DHX34: variants seen among roughly 807,000 people sequenced by gnomAD.
The protein encoded by DHX34 is probable ATP-dependent RNA helicase DHX34.
DHX34 carries 96 observed loss-of-function variants against 111.1 expected under a neutral mutation model. That is an observed-to-expected ratio of 0.86 (90% confidence interval 0.73 to 1.02). The LOEUF (loss-of-function observed/expected upper bound fraction) is 1.02, where lower values mean the gene tolerates loss of function less well. DHX34 is among the 50% of genes least tolerant of loss of function. The pLI is 0.00. For synonymous variants in DHX34, 688 were observed against 670.4 expected, an observed-to-expected ratio of 1.03 and a Z score of -0.41; for missense variants, 1,560 against 1,579.9, an observed-to-expected ratio of 0.99 and a Z score of 0.21.
chr19:47,373,043 CCA>C, intron 8 of DHX34, 120 bp downstream of exon 8: 1 of 1,314,416 alleles, frequency 7.6e-7, no homozygotes, highest in South Asian at 1.6e-5. Flanking sequence ...ACTGAGCCCC[CCA>C]CAGACTGGGC....
rs149712465 is a variant in DHX34 at position 47,382,032 on chromosome 19, G to T, written c.3351G>T (p.Arg1117Ser). 36 of 1,613,996 alleles carry T rather than the reference G, an allele frequency of 2.2e-5. No individual in the cohort carries two copies. In the African/African-American group the frequency reaches 4.3e-4, roughly 19 times the overall value. ...ETLQKTSVLQ[R>S]PYHCEACGKD... ...TCCAGAAGACATCTGTCCTGCAGAGGCCCTACCACTGCGAGGCCTGCGGGA... is the reference window on the plus strand; with the variant it reads ...TCCAGAAGACATCTGTCCTGCAGAGTCCCTACCACTGCGAGGCCTGCGGGA... The change falls in exon 17 of 17, where the codon AGG becomes AGT. Residue 1117 changes from arginine to serine, a missense_variant. By Grantham distance (110) the Arg-to-Ser change is moderately radical. Coordinates refer to ENST00000328771, the MANE Select transcript of DHX34 (RefSeq NM_014681.6).
chr19:47,360,155 C>T (rs1208608164), intron 5 of DHX34, 85 bp downstream of exon 5: 50 of 1,318,320 alleles, frequency 3.8e-5, no homozygotes, highest in Non-Finnish European at 5.0e-5. Flanking sequence ...GGCAGGGGCG[C>T]ACCAGCTTGG....
rs1438326045 is a variant in DHX34, at chr19:47,375,539, AGCAGCGCCG to A, written c.2140_2148del (p.Gln714_Arg716del). The A allele has an allele frequency of 6.4e-7, 1 of 1,558,494 alleles. No individual in the cohort carries two copies. The highest frequency in any genetic ancestry group is 8.6e-7 in the Non-Finnish European group (1 of 1,157,426). ...GTAGGGGACAGCTACAGTCGGTTGC[AGCAGCGCCG>A]GGAGCGCCGGGCCCTGCACCAGCTG... On this transcript the variant is annotated inframe_deletion, in exon 10 of 17. Transcript: ENST00000328771.
In DHX34 at chr19:47,357,874, C is replaced by A; in HGVS notation, c.1026C>A (p.Tyr342Ter). Residue 342 changes from tyrosine to a stop codon, truncating the protein, a stop_gained, in exon 4 of 17, where the codon TAC becomes TAA. Transcript: ENST00000328771. LOFTEE classifies it high-confidence loss of function. Reference protein sequence around the residue: ...PGRLFPITVVYQPQEAEPTTS... With the variant: ...PGRLFPITVV ...GGGCTGTCTCCTCTCAGGTTGTGTACCAGCCGCAGGAGGCGGAGCCGACCA... is the reference window on the plus strand; with the variant it reads ...GGGCTGTCTCCTCTCAGGTTGTGTAACAGCCGCAGGAGGCGGAGCCGACCA... The A allele has an allele frequency of 6.2e-7, 1 of 1,612,726 alleles. No homozygotes were observed. Among genetic ancestry groups the A allele is most frequent in the Non-Finnish European group, 8.5e-7 (1 of 1,179,244 alleles).
At chr19:47,364,827 G>T (rs1433749417) in intron 6 of DHX34, among the ~76,000 whole-genome samples, 1 of 152,124 alleles carries the variant, frequency 6.6e-6, no homozygotes, top group Non-Finnish European at 1.5e-5. Flanking sequence ...ATTGCCCCAG[G>T]TCACACAGCT....
chr19:47,376,235 C>A, intron 11 of DHX34, 138 bp downstream of exon 11: 4 of 1,431,438 alleles, frequency 2.8e-6, no homozygotes, highest in Non-Finnish European at 3.7e-6. Context: ...AGTGGGAGGA[C>A]AGACCCATCC....
intron 6 of DHX34, among the ~76,000 whole-genome samples, chr19:47,363,707 A>G (rs1194625174): frequency 1.3e-5 from 2 of 151,076 alleles, no homozygotes; most frequent in Non-Finnish European, 2.9e-5. Flanking sequence ...AAGCCCGGCT[A>G]TTTGGGAGGC....
chr19:47,363,787 C>T (rs1969704760), intron 6 of DHX34, among the ~76,000 whole-genome samples: 1 of 146,856 alleles, frequency 6.8e-6, no homozygotes. Context: ...CACTGCACTC[C>T]AGCCTGGGCG....
chr19:47,360,015 C>G lies in DHX34; in HGVS notation c.1320C>G (p.Thr440=), dbSNP rs145230229. The G allele has an allele frequency of 8.1e-6, 13 of 1,614,086 alleles. No individual in the cohort carries two copies. Among genetic ancestry groups the G allele is most frequent in the Non-Finnish European group, 1.0e-5 (12 of 1,180,010 alleles). Residue 440 remains threonine, a synonymous_variant, in exon 5 of 17, where the codon ACC becomes ACG. Coordinates refer to ENST00000328771, the MANE Select transcript of DHX34 (RefSeq NM_014681.6). Reference sequence around the variant, plus strand: ...GAGTCCGGAAATGCATCCTCTCCACCAACATTGCTGAGACCTCAGTCACCA... The same window carrying G: ...GAGTCCGGAAATGCATCCTCTCCACGAACATTGCTGAGACCTCAGTCACCA... The part of the protein sequence containing the change: ...PPGVRKCILS[T]NIAETSVTID...
intron 5 of DHX34, 41 bp downstream of exon 5, chr19:47,360,111 C>G (rs746323898): frequency 1.9e-6 from 3 of 1,600,180 alleles, no homozygotes; most frequent in Non-Finnish European, 2.6e-6. Flanking sequence ...CCCCCAAGGA[C>G]TTAGGAGCAT....
In DHX34 at chr19:47,381,325, G is replaced by A. The variant is rs758021238; in HGVS notation, c.3298+1G>A. ...CAGGCCCCACAGGATGGGCCCCCAG[G>A]TAAGCACAGGACTGTGGGGACCCGG... On this transcript the variant is annotated splice_donor_variant, in intron 16 of 16. Transcript: ENST00000328771. LOFTEE classifies it high-confidence loss of function. 10 of 1,612,878 alleles carry A rather than the reference G, an allele frequency of 6.2e-6. No homozygotes were observed. In the African/African-American group the frequency reaches 1.1e-4, roughly 17 times the overall value.
rs781091595 is a variant in DHX34 at position 47,353,199 on chromosome 19, T to A, written c.169T>A (p.Cys57Ser). Residue 57 changes from cysteine (C) to serine (S), a missense_variant, in exon 2 of 17, where the codon TGT becomes AGT. Coordinates refer to ENST00000328771, the MANE Select transcript of DHX34 (RefSeq NM_014681.6). The surrounding 1 kb of genome is among the most constrained non-coding windows in gnomAD (Gnocchi z 4.6). ...EDYIRQGSEE[C>S]QKFWTFFERL... is the part of the protein sequence containing the mutation. ...TTACATCCGTCAGGGTTCTGAGGAA[T>A]GTCAGAAGTTTTGGACCTTCTTTGA... is the stretch of plus-strand genomic sequence containing the variant. 1 of 1,614,158 alleles carries A rather than the reference T, an allele frequency of 6.2e-7. No homozygotes were observed. Among genetic ancestry groups the A allele is most frequent in the East Asian group, 2.2e-5 (1 of 44,888 alleles).
In DHX34 at chr19:47,373,810, C is replaced by T. The variant is rs1439846564; in HGVS notation, c.2064+110C>T. 10 of 1,312,698 alleles carry T rather than the reference C, an allele frequency of 7.6e-6. No individual in the cohort carries two copies. The East Asian group carries it at 2.1e-4, about 28-fold the overall frequency. The allele number at this position is 1,312,698 out of a possible 1,614,324, so 81.3% of individuals were successfully genotyped here. A position where few individuals can be genotyped will look rare whatever the true frequency, so the allele number is the denominator to read the frequency against. On this transcript the variant is annotated intron_variant, in intron 9 of 16. Transcript: ENST00000328771. ...GACAGTGGTCAGACCAGAATCCCAC[C>T]CTGCACCCACCTCCCCCACCACCCG...
intron 6 of DHX34, chr19:47,366,780 G>T: frequency 2.2e-6 from 2 of 896,666 alleles, no homozygotes; most frequent in Non-Finnish European, 2.7e-6. Context: ...CACCATGTTG[G>T]CCAGGATGGT....
chr19:47,381,104 T>C (rs1970341480), intron 15 of DHX34, 82 bp from the exon 16 acceptor site: 18 of 1,582,210 alleles, frequency 1.1e-5, no homozygotes, highest in Non-Finnish European at 1.5e-5. Flanking sequence ...CCCTGAGGGC[T>C]TCTGGGAAGG....
chr19:47,372,902 C>G lies in DHX34; in HGVS notation c.1941C>G (p.Asn647Lys), dbSNP rs1178352823. The change falls in exon 8 of 17, where the codon AAC becomes AAG. Residue 647 changes from asparagine (N) to lysine (K), a missense_variant. By Grantham distance (94) the Asn-to-Lys change is moderately conservative. Coordinates refer to ENST00000328771, the MANE Select transcript of DHX34 (RefSeq NM_014681.6). Reference protein sequence around the residue: ...SDQGDPFTLFNVFNAWVQVKS... With the variant: ...SDQGDPFTLFKVFNAWVQVKS... ...AGGGTGACCCCTTCACGCTCTTCAA[C>G]GTCTTCAACGCCTGGGTGCAGGTGA... The G allele has an allele frequency of 6.2e-7, 1 of 1,603,258 alleles. No homozygotes were observed. The highest frequency in any genetic ancestry group is 1.3e-5 in the African/African-American group (1 of 74,854).
At chr19:47,381,696 T>C (rs1568410126) in intron 16 of DHX34, 3 of 710,660 alleles carry the variant, frequency 4.2e-6, no homozygotes, top group Middle Eastern at 4.2e-4. Context: ...GTGGGGGAGA[T>C]AGCACTGGGG....
chr19:47,374,068 T>A (rs1970056668), intron 9 of DHX34, among the ~76,000 whole-genome samples: 1 of 152,164 alleles, frequency 6.6e-6, no homozygotes, highest in African/African-American at 2.4e-5. Flanking sequence ...CTCTGCCATT[T>A]CTGACAGCGT....
intron 12 of DHX34, 190 bp from the exon 13 acceptor site, chr19:47,376,910 T>C: frequency 6.5e-7 from 1 of 1,535,684 alleles, no homozygotes; most frequent in Non-Finnish European, 8.7e-7. Flanking sequence ...GGTGTCTCGC[T>C]GCAGGCATGG....
Sources: allele counts gnomAD v4.1 joint callset (sites outside exome capture counted in the v4.1 genomes callset), GRCh38; gene constraint gnomAD v4.1.1; non-coding constraint Gnocchi (gnomAD v3.1); transcripts MANE v1.5; gene names NCBI Gene and HGNC (gene_info 2026-07-23, HGNC 2026-07-21).